Variants in MECOM observed in about 807,000 individuals in gnomAD.
The protein encoded by MECOM is histone-lysine N-methyltransferase MECOM.
A neutral mutation model predicts 116.3 loss-of-function variants in MECOM; 13 were observed. The ratio of observed to expected loss-of-function variants is 0.11; its 90% confidence interval spans 0.07 to 0.18. The LOEUF (loss-of-function observed/expected upper bound fraction) is 0.18. MECOM is among the 10% of genes least tolerant of loss of function. The pLI, the probability that MECOM is intolerant of heterozygous loss-of-function variation, is 1.00. For missense variants in MECOM, 1,299 were observed against 1,509.0 expected (o/e 0.86, Z 2.31); for synonymous variants, 528 against 535.2 (o/e 0.99, Z 0.19).
intron 1 of MECOM, among the ~76,000 whole-genome samples, chr3:169,489,433 T>C (rs1010095564): frequency 6.6e-6 from 1 of 152,168 alleles, no homozygotes; most frequent in Non-Finnish European, 1.5e-5. Flanking sequence ...GAAGAATAAA[T>C]GACTGAAACA....
intron 1 of MECOM, among the ~76,000 whole-genome samples, chr3:169,646,831 G>A (rs1054664054): frequency 3.9e-5 from 6 of 152,094 alleles, no homozygotes; most frequent in Admixed American, 1.3e-4. Context: ...AAGTAATGAC[G>A]TATCCCTAAG....
At chr3:169,086,190 C>T (rs1169557003) in intron 16 of MECOM, among the ~76,000 whole-genome samples, 3 of 152,078 alleles carry the variant, frequency 2.0e-5, no homozygotes, top group Admixed American at 1.3e-4. Context: ...ATGCAATTTG[C>T]CTTTTGGACT....
chr3:169,404,581 A>C (rs910147892), intron 1 of MECOM, among the ~76,000 whole-genome samples: 59 of 152,226 alleles, frequency 3.9e-4, no homozygotes, highest in African/African-American at 1.1e-3. Flanking sequence ...GGATTGCTGG[A>C]GGGGGAAGCC....
chr3:169,453,826 T>C (rs913907907), intron 1 of MECOM, among the ~76,000 whole-genome samples: 1 of 152,056 alleles, frequency 6.6e-6, no homozygotes, highest in Non-Finnish European at 1.5e-5. Flanking sequence ...TGAGATAGGA[T>C]CCCACAATGG....
intron 2 of MECOM, among the ~76,000 whole-genome samples, chr3:169,261,156 A>C (rs1353431449): frequency 6.6e-6 from 1 of 152,218 alleles, no homozygotes; most frequent in African/African-American, 2.4e-5. Flanking sequence ...TATCCTAAAG[A>C]TAAAATAAAT....
chr3:169,452,864 T>G (rs1365048404), intron 1 of MECOM, among the ~76,000 whole-genome samples: 1 of 152,242 alleles, frequency 6.6e-6, no homozygotes, highest in African/African-American at 2.4e-5. Context: ...AAAAATTATT[T>G]TCAATAAGCT....
At chr3:169,466,966 AT>A (rs2108765508) in intron 1 of MECOM, 1 of 152,326 alleles carries the variant, frequency 6.6e-6, no homozygotes, top group South Asian at 2.1e-4. Flanking sequence ...TTCTCAACAA[AT>A]GTTGTTGAAA....
chr3:169,472,613 GA>G (rs1312356027), intron 1 of MECOM, among the ~76,000 whole-genome samples: 4 of 47,968 alleles, frequency 8.3e-5, no homozygotes, highest in African/African-American at 4.1e-4. Flanking sequence ...GAAAGGAAAG[GA>G]AAGAAAAGAA....
chr3:169,655,357 A>G (rs543601442), intron 1 of MECOM, among the ~76,000 whole-genome samples: 2 of 152,352 alleles, frequency 1.3e-5, no homozygotes, highest in East Asian at 3.9e-4. Context: ...AGTCTAATCC[A>G]TTCATTTAAA....
At chr3:169,599,517 A>G (rs1372849379) in intron 1 of MECOM, among the ~76,000 whole-genome samples, 3 of 151,916 alleles carry the variant, frequency 2.0e-5, no homozygotes, top group African/African-American at 7.3e-5. Flanking sequence ...GTCTCAAAAA[A>G]AAAAAAAAAA....
intron 1 of MECOM, among the ~76,000 whole-genome samples, chr3:169,657,298 C>G (rs1775651637): frequency 6.6e-6 from 1 of 152,214 alleles, no homozygotes; most frequent in African/African-American, 2.4e-5. Context: ...CACGATCCCT[C>G]TAGGTAACCC....
At chr3:169,381,955 T>A (rs955158369) in intron 1 of MECOM, among the ~76,000 whole-genome samples, 8 of 152,180 alleles carry the variant, frequency 5.3e-5, no homozygotes, top group African/African-American at 1.9e-4. Context: ...GGAATAAACA[T>A]AGGAGAGTCA....
At chr3:169,184,014 G>A (rs1483446924) in intron 2 of MECOM, among the ~76,000 whole-genome samples, 1 of 151,536 alleles carries the variant, frequency 6.6e-6, no homozygotes, top group Non-Finnish European at 1.5e-5. Flanking sequence ...ACAGGCACCC[G>A]CCACCACACC....
intron 2 of MECOM, among the ~76,000 whole-genome samples, chr3:169,259,528 G>C (rs979651701): frequency 6.6e-6 from 1 of 152,110 alleles, no homozygotes; most frequent in Non-Finnish European, 1.5e-5. Flanking sequence ...TTTGAGACCA[G>C]CCTGGGCAAC....
chr3:169,165,787 C>T (rs1029155765), intron 2 of MECOM, among the ~76,000 whole-genome samples: 3 of 152,062 alleles, frequency 2.0e-5, no homozygotes, highest in African/African-American at 7.2e-5. Flanking sequence ...ACTCTCTTTC[C>T]TAAATTAAAT....
chr3:169,505,056 T>C (rs1224826554), intron 1 of MECOM, among the ~76,000 whole-genome samples: 1 of 152,124 alleles, frequency 6.6e-6, no homozygotes, highest in Non-Finnish European at 1.5e-5. Flanking sequence ...GCTCCATCTA[T>C]GTTGTTGCAT....
chr3:169,328,310 T>C (rs1722183547), intron 2 of MECOM, among the ~76,000 whole-genome samples: 1 of 152,216 alleles, frequency 6.6e-6, no homozygotes, highest in African/African-American at 2.4e-5. Flanking sequence ...TATTTGGATA[T>C]TGACTGCACA....
chr3:169,338,713 G>A (rs1723999624), intron 2 of MECOM, among the ~76,000 whole-genome samples: 1 of 151,746 alleles, frequency 6.6e-6, no homozygotes, highest in Admixed American at 6.6e-5. Context: ...ATGCAAGGTT[G>A]CACTTCTTCA....
At chr3:169,518,219 A>G (rs1756910450) in intron 1 of MECOM, among the ~76,000 whole-genome samples, 1 of 151,932 alleles carries the variant, frequency 6.6e-6, no homozygotes. Flanking sequence ...AGATCGCACC[A>G]CTGCACTCCA....
Sources: allele counts gnomAD v4.1 joint callset (sites outside exome capture counted in the v4.1 genomes callset), GRCh38; gene constraint gnomAD v4.1.1; transcripts MANE v1.5; gene names NCBI Gene and HGNC (gene_info 2026-07-23, HGNC 2026-07-21).